Variants in KIFC3 observed in about 807,000 individuals in gnomAD.
KIFC3 encodes the protein kinesin-like protein KIFC3.
KIFC3 carries 60 observed loss-of-function variants against 101.8 expected under a neutral mutation model. The observed-to-expected ratio is 0.59, with a 90% confidence interval of 0.48 to 0.73. KIFC3 has a LOEUF of 0.73. Among genes scored for constraint, KIFC3 ranks in the 30% least tolerant of loss-of-function variants. KIFC3 has a pLI of 0.00. For synonymous variants in KIFC3, 476 were observed against 482.7 expected (o/e 0.99, Z 0.18); for missense variants, 966 against 1,137.1 (o/e 0.85, Z 2.16).
At position 57,758,316 on chromosome 16, in the gene KIFC3, C is replaced by T. The variant is rs1395599256; in HGVS notation, c.*618G>A. ...GAGGGAAGAAAATTCGAGAGACCAG[C>T]GAGCCAGGCAGGTGAGCGAGCAGCA... is the stretch of plus-strand genomic sequence containing the variant. On this transcript the variant is annotated 3_prime_UTR_variant, in exon 20 of 20. Coordinates refer to ENST00000445690, the MANE Select transcript of KIFC3 (RefSeq NM_001130100.2). 1.2e-5 allele frequency: 3 copies of T among 248,332 alleles called. No homozygotes were observed. The highest frequency in any genetic ancestry group is 4.6e-5 in the African/African-American group (2 of 43,140). The allele number at this position is 248,332 out of a possible 1,614,324, so 15.4% of individuals were successfully genotyped here.
chr16:57,808,378 C>T (rs2054991824), intron 1 of KIFC3, among the ~76,000 whole-genome samples: 1 of 152,122 alleles, frequency 6.6e-6, no homozygotes, highest in African/African-American at 2.4e-5. Context: ...AGCCGCCGGG[C>T]TCCTCCTTGC....
rs1043728351 is a variant in KIFC3, at chr16:57,765,458, C to T, written c.1512+1G>A. ...CCTTTCCCGCATGGGGCCACACTCACGTCCTGCTGCGAGGCCTGTGGGGAG... is the reference window on the plus strand; with the variant it reads ...CCTTTCCCGCATGGGGCCACACTCATGTCCTGCTGCGAGGCCTGTGGGGAG... On this transcript the variant is annotated splice_donor_variant, in intron 11 of 19. Transcript: ENST00000445690. LOFTEE classifies it high-confidence loss of function. 2.5e-6 allele frequency: 4 copies of T among 1,575,480 alleles called. No individual in the cohort carries two copies. The highest frequency in any genetic ancestry group is 1.2e-5 in the South Asian group (1 of 86,166).
At chr16:57,776,228 G>A (rs1176662453) in intron 3 of KIFC3, 2 of 985,360 alleles carry the variant, frequency 2.0e-6, no homozygotes, top group African/African-American at 3.5e-5. Context: ...GAGGGTCTGG[G>A]ATCCAGACAA....
At chr16:57,789,078 T>C (rs2053622335) in intron 3 of KIFC3, among the ~76,000 whole-genome samples, 1 of 152,142 alleles carries the variant, frequency 6.6e-6, no homozygotes, top group South Asian at 2.1e-4. Flanking sequence ...CAGGCAACCG[T>C]CCAGTCCCAC....
At chr16:57,778,527 C>A (rs1291160213) in intron 3 of KIFC3, among the ~76,000 whole-genome samples, 2 of 152,194 alleles carry the variant, frequency 1.3e-5, no homozygotes, top group Non-Finnish European at 2.9e-5. Flanking sequence ...ACTCGCAAAT[C>A]ATTTATCTGA....
Position 57,802,379 on chromosome 16 carries a change from G to T in KIFC3, c.-49C>A. On this transcript the variant is annotated 5_prime_UTR_variant, in exon 1 of 20. Coordinates refer to ENST00000445690, the MANE Select transcript of KIFC3 (RefSeq NM_001130100.2). This position sits in a 1 kb window ranked among gnomAD's most constrained non-coding sequence, Gnocchi z 5.0. ...CGGGCCCCCCACTCACCGGCCTGGC[G>T]GAGGCAGGATCCAGGCGTCGCCGCA... 1 of 983,344 alleles carries T rather than the reference G, an allele frequency of 1.0e-6. No homozygotes were observed. The highest frequency in any genetic ancestry group is 1.2e-6 in the Non-Finnish European group (1 of 829,080). 60.9% of individuals were successfully genotyped at this position (983,344 alleles called of 1,614,324 possible). A position where few individuals can be genotyped will look rare whatever the true frequency, so the allele number is the denominator to read the frequency against.
intron 1 of KIFC3, among the ~76,000 whole-genome samples, chr16:57,820,199 G>A (rs1381153592): frequency 2.0e-5 from 3 of 152,184 alleles, no homozygotes; most frequent in South Asian, 2.1e-4. Flanking sequence ...CTTTGCACTC[G>A]CTGTTTCCTC....
intron 1 of KIFC3, among the ~76,000 whole-genome samples, chr16:57,800,164 A>G (rs150325609): frequency 2.8e-4 from 43 of 152,350 alleles, no homozygotes; most frequent in African/African-American, 9.6e-4. Flanking sequence ...TAGGGGCCTG[A>G]AGATCTGGTG....
At chr16:57,832,079 G>A (rs1393954182) in intron 1 of KIFC3, among the ~76,000 whole-genome samples, 3 of 152,030 alleles carry the variant, frequency 2.0e-5, no homozygotes, top group Admixed American at 6.6e-5. Context: ...GGAGTACAGT[G>A]GCGCAATCTT....
chr16:57,849,697 G>A (rs2056007858), intron 1 of KIFC3, among the ~76,000 whole-genome samples: 1 of 152,088 alleles, frequency 6.6e-6, no homozygotes, highest in Non-Finnish European at 1.5e-5. Flanking sequence ...GAGGTCTGGA[G>A]TTCAAGACCA....
At chr16:57,780,015 A>T (rs2052538019) in intron 3 of KIFC3, 1 of 152,050 alleles carries the variant, frequency 6.6e-6, no homozygotes, top group Non-Finnish European at 1.5e-5. Flanking sequence ...AAACCATCAG[A>T]CCTCATGAGA....
In KIFC3 at chr16:57,817,004, A is replaced by C. The variant is rs984562926; in HGVS notation, c.109-18722T>G. 9.9e-5 allele frequency: 32 copies of C among 322,032 alleles called. No individual in the cohort carries two copies. In the Admixed American group the frequency reaches 1.5e-3, roughly 15 times the overall value. 19.9% of individuals were successfully genotyped at this position (322,032 alleles called of 1,614,324 possible). A position where few individuals can be genotyped will look rare whatever the true frequency, so the allele number is the denominator to read the frequency against. Reference sequence around the variant, plus strand: ...GCACTTTTTCTGAATTATCACATGCATTCATTTCCTGGGGCTGCCGTCGCA... The same window carrying C: ...GCACTTTTTCTGAATTATCACATGCCTTCATTTCCTGGGGCTGCCGTCGCA... On this transcript the variant is annotated intron_variant, in intron 1 of 2. Transcript: ENST00000563028.
At chr16:57,802,913 A>C, upstream of KIFC3, 2 of 1,456,032 alleles carry the variant, frequency 1.4e-6, no homozygotes, top group Non-Finnish European at 1.9e-6. This position sits in a 1 kb window ranked among gnomAD's most constrained non-coding sequence, Gnocchi z 5.0. Flanking sequence ...GGGCTCTCAT[A>C]CCAGTACGTG....
intron 10 of KIFC3, among the ~76,000 whole-genome samples, chr16:57,766,499 C>G (rs1381941162): frequency 1.3e-5 from 2 of 152,198 alleles, no homozygotes; most frequent in Non-Finnish European, 2.9e-5. Flanking sequence ...AGCAGGCACT[C>G]TAGAGCTCCA....
At chr16:57,762,430 T>G (rs1180998554) in intron 12 of KIFC3, among the ~76,000 whole-genome samples, 160 bp from the exon 13 acceptor site, 1 of 152,192 alleles carries the variant, frequency 6.6e-6, no homozygotes, top group African/African-American at 2.4e-5. Context: ...CTCCACCAGC[T>G]GCGGGCAACT....
At chr16:57,785,841 CT>C (rs2053264424) in intron 3 of KIFC3, among the ~76,000 whole-genome samples, 1 of 151,648 alleles carries the variant, frequency 6.6e-6, no homozygotes, top group Admixed American at 6.5e-5. Flanking sequence ...CCTCCAGGGC[CT>C]GTCCCAGAAG....
At chr16:57,813,432 C>A (rs1343557776) in intron 1 of KIFC3, among the ~76,000 whole-genome samples, 1 of 152,106 alleles carries the variant, frequency 6.6e-6, no homozygotes, top group Non-Finnish European at 1.5e-5. Flanking sequence ...GTCTAAATCT[C>A]CAGATAACCC....
chr16:57,858,887 C>T (rs1203513903), intron 1 of KIFC3, among the ~76,000 whole-genome samples: 2 of 152,048 alleles, frequency 1.3e-5, no homozygotes, highest in African/African-American at 4.8e-5. Context: ...GAAATCAATG[C>T]CGCAGTGAGC....
At chr16:57,820,147 T>C (rs1404405978) in intron 1 of KIFC3, among the ~76,000 whole-genome samples, 1 of 152,150 alleles carries the variant, frequency 6.6e-6, no homozygotes, top group Non-Finnish European at 1.5e-5. Context: ...GCATGAGCCA[T>C]TGCACCCGGC....
Sources: gnomAD v4.1 joint callset for allele counts (sites outside exome capture counted in the v4.1 genomes callset) on GRCh38, gnomAD v4.1.1 for gene constraint, Gnocchi (gnomAD v3.1) non-coding constraint, MANE v1.5 for transcripts, NCBI Gene and HGNC (gene_info 2026-07-23, HGNC 2026-07-21) for gene names.